The following GALNT11 variants were observed in gnomAD, a reference collection of about 807,000 sequenced individuals.
GALNT11 encodes polypeptide N-acetylgalactosaminyltransferase 11, also known as UDP-GalNAc:polypeptide N-acetylgalactosaminyltransferase 11.
In GALNT11, 47 loss-of-function variants were observed where a neutral mutation model predicts 72.7. That is an observed-to-expected ratio of 0.65 (90% CI 0.51 to 0.82). The LOEUF is 0.82. Ranked by LOEUF, GALNT11 falls within the 40% of genes least tolerant of loss-of-function variation. The pLI, the probability that GALNT11 is intolerant of heterozygous loss-of-function variation, is 0.00. For synonymous variants in GALNT11, 270 were observed against 286.6 expected (o/e 0.94, Z 0.58); for missense variants, 677 against 778.4 (o/e 0.87, Z 1.55).
chr7:152,113,693 G>A (rs556563298), intron 8 of GALNT11, among the ~76,000 whole-genome samples: 3 of 136,386 alleles, frequency 2.2e-5, no homozygotes, highest in East Asian at 4.1e-4. Context: ...CTATTGTGAC[G>A]CCTGCAAAAG....
intron 1 of GALNT11, among the ~76,000 whole-genome samples, chr7:152,055,598 G>A (rs1366240397): frequency 1.3e-5 from 2 of 149,066 alleles, no homozygotes; most frequent in Non-Finnish European, 3.0e-5. Context: ...TACACACAAA[G>A]TACCAGGTAT....
chr7:152,072,309 C>T lies in GALNT11; in HGVS notation c.-38-21881C>T, dbSNP rs183558540. 6.1e-3 allele frequency among the ~76,000 whole-genome samples: 844 copies of T among 139,496 alleles called. 4 individuals carry two copies. Among genetic ancestry groups the T allele is most frequent in the Non-Finnish European group, 9.5e-3 (624 of 65,532 alleles). The allele number at this position is 139,496 out of a possible 152,430, so 91.5% of individuals were successfully genotyped here. On this transcript the variant is annotated intron_variant, in intron 1 of 11. Transcript: ENST00000430044. Reference sequence around the variant, plus strand: ...CAGCCTAGGTGACAGAGTGAGACTCCGTCTCAAAAAAAAAAAAAAAAAAGA... The same window carrying T: ...CAGCCTAGGTGACAGAGTGAGACTCTGTCTCAAAAAAAAAAAAAAAAAAGA...
At chr7:152,053,327 A>G (rs1256104707) in intron 1 of GALNT11, among the ~76,000 whole-genome samples, 3 of 152,176 alleles carry the variant, frequency 2.0e-5, no homozygotes, top group East Asian at 1.9e-4. Flanking sequence ...ACTACAGCCA[A>G]TCATTCTACT....
Position 152,122,155 on chromosome 7 carries a change from T to C in GALNT11, c.*478T>C, listed in dbSNP as rs1283408019. On this transcript the variant is annotated 3_prime_UTR_variant, in exon 12 of 12. Coordinates refer to ENST00000430044, the MANE Select transcript of GALNT11 (RefSeq NM_022087.4). ...CTTTCTTAGACTTCATAGGAGATAG[T>C]GCTTTAAAAAAAAAAAAAACTTCTA... The C allele has an allele frequency of 6.7e-6, 1 of 149,964 alleles. No individual in the cohort carries two copies. The highest frequency in any genetic ancestry group is 6.6e-5 in the Admixed American group (1 of 15,082). The allele number at this position is 149,964 out of a possible 1,614,324, so 9.3% of individuals were successfully genotyped here.
intron 1 of GALNT11, among the ~76,000 whole-genome samples, chr7:152,035,975 G>C (rs1319133803): frequency 1.3e-5 from 2 of 152,160 alleles, no homozygotes; most frequent in African/African-American, 2.4e-5. Flanking sequence ...CTCTCTTCTT[G>C]CTTCTGCTAA....
intron 1 of GALNT11, among the ~76,000 whole-genome samples, chr7:152,037,132 A>T (rs2082618634): frequency 6.6e-6 from 1 of 152,192 alleles, no homozygotes; most frequent in East Asian, 1.9e-4. Flanking sequence ...TTACTCCAGA[A>T]ATCTCTGCCT....
chr7:152,046,230 A>G (rs910414465), intron 1 of GALNT11, among the ~76,000 whole-genome samples: 7 of 152,150 alleles, frequency 4.6e-5, no homozygotes, highest in Admixed American at 1.3e-4. Flanking sequence ...CATATGGTCT[A>G]TCCTTGAGGA....
chr7:152,085,564 G>A (rs955260231), intron 1 of GALNT11, among the ~76,000 whole-genome samples: 1 of 146,136 alleles, frequency 6.8e-6, no homozygotes, highest in Admixed American at 6.6e-5. Context: ...ATTTTGTTGT[G>A]TAGATACTAG....
intron 1 of GALNT11, among the ~76,000 whole-genome samples, chr7:152,083,620 T>G (rs2085448672): frequency 6.6e-6 from 1 of 152,180 alleles, no homozygotes; most frequent in African/African-American, 2.4e-5. Flanking sequence ...GCAGTGGGGC[T>G]CACACCCCAC....
intron 3 of GALNT11, among the ~76,000 whole-genome samples, chr7:152,101,846 C>G (rs1370930314): frequency 1.3e-5 from 2 of 152,090 alleles, no homozygotes; most frequent in Non-Finnish European, 2.9e-5. Flanking sequence ...GTTGGCCAGG[C>G]TGGTCTCAAA....
intron 1 of GALNT11, among the ~76,000 whole-genome samples, chr7:152,067,337 C>T (rs1439416040): frequency 1.3e-5 from 2 of 152,172 alleles, no homozygotes; most frequent in African/African-American, 4.8e-5. Flanking sequence ...AGTCCATGTG[C>T]ACAGCCCACC....
intron 1 of GALNT11, among the ~76,000 whole-genome samples, chr7:152,027,106 G>A (rs981691264): frequency 5.3e-5 from 8 of 152,172 alleles, no homozygotes; most frequent in South Asian, 2.1e-4. Flanking sequence ...AAAATAAGCC[G>A]GGCGTGGTGG....
At chr7:152,048,279 T>C (rs2152025182) in intron 1 of GALNT11, among the ~76,000 whole-genome samples, 1 of 152,158 alleles carries the variant, frequency 6.6e-6, no homozygotes, top group South Asian at 2.1e-4. Flanking sequence ...ATATTGGAGC[T>C]CCATTATATG....
At chr7:152,097,573 T>C (rs1034041107) in intron 2 of GALNT11, among the ~76,000 whole-genome samples, 2 of 152,232 alleles carry the variant, frequency 1.3e-5, no homozygotes, top group Admixed American at 1.3e-4. Flanking sequence ...CTATTCTCAA[T>C]AGACAGAAGG....
chr7:152,074,343 C>T (rs1208741387), intron 1 of GALNT11: 1 of 152,110 alleles, frequency 6.6e-6, no homozygotes, highest in Non-Finnish European at 1.5e-5. Flanking sequence ...AGTTTCATTC[C>T]TCTGCATATG....
chr7:152,070,156 C>T (rs1209950760), intron 1 of GALNT11, among the ~76,000 whole-genome samples: 3 of 151,934 alleles, frequency 2.0e-5, no homozygotes, highest in African/African-American at 7.3e-5. Context: ...GCCACCACGC[C>T]CAGCTAATTT....
At chr7:152,045,834 C>T (rs752558765) in intron 1 of GALNT11, among the ~76,000 whole-genome samples, 1 of 149,878 alleles carries the variant, frequency 6.7e-6, no homozygotes, top group Non-Finnish European at 1.5e-5. Context: ...GGTTGGTTTC[C>T]TCTTGCTTTT....
intron 3 of GALNT11, 78 bp downstream of exon 3, chr7:152,100,999 G>T (rs111896957): frequency 6.5e-7 from 1 of 1,549,756 alleles, no homozygotes; most frequent in East Asian, 2.3e-5. Flanking sequence ...TCACGAGGAC[G>T]GGGTTCATAT....
At chr7:152,083,557 C>T (rs1354667852) in intron 1 of GALNT11, among the ~76,000 whole-genome samples, 2 of 151,958 alleles carry the variant, frequency 1.3e-5, no homozygotes, top group South Asian at 2.1e-4. Context: ...TCTGTCTGTG[C>T]GTGGGCCCTG....
Sources: gnomAD v4.1 joint callset for allele counts (sites outside exome capture counted in the v4.1 genomes callset) on GRCh38, gnomAD v4.1.1 for gene constraint, MANE v1.5 for transcripts, NCBI Gene and HGNC (gene_info 2026-07-23, HGNC 2026-07-21) for gene names.